Variants in CCDC187 observed in about 807,000 individuals in gnomAD.
CCDC187 encodes coiled-coil domain-containing protein 187.
A neutral mutation model predicts 38.0 loss-of-function variants in CCDC187; 32 were observed. The ratio of observed to expected loss-of-function variants is 0.84; its 90% CI spans 0.64 to 1.13. The LOEUF (loss-of-function observed/expected upper bound fraction) is 1.13, where lower values mean the gene tolerates loss of function less well. Ranked by LOEUF, CCDC187 falls within the 50% of genes most tolerant of loss-of-function variation. The pLI, the probability that CCDC187 is intolerant of heterozygous loss-of-function variation, is 0.00. For missense variants in CCDC187, 707 were observed against 786.8 expected (o/e 0.90, Z 1.21); for synonymous variants, 333 against 347.9 (o/e 0.96, Z 0.48).
At chr9:136,305,505 G>A (rs1424844723), upstream of CCDC187, among the ~76,000 whole-genome samples, 8 of 152,130 alleles carry the variant, frequency 5.3e-5, no homozygotes, top group South Asian at 1.2e-3. Context: ...CCCTGCTGAC[G>A]GGTTGCCACC....
rs1261450280 is a variant in CCDC187, at chr9:136,300,325, CAG to C, written c.626-9_626-8del. The C allele has an allele frequency of 2.4e-3, 971 of 398,614 alleles. 12 individuals carry two copies. Among genetic ancestry groups the C allele is most frequent in the African/African-American group, 0.019 (905 of 48,742 alleles). The allele number at this position is 398,614 out of a possible 1,614,324, so 24.7% of individuals were successfully genotyped here. On this transcript the variant is annotated splice_polypyrimidine_tract_variant and splice_region_variant and intron_variant, in intron 2 of 25. Coordinates refer to ENST00000638797, the MANE Select transcript of CCDC187 (RefSeq NM_001378188.1). ...GCACTCAAGATGCTGAAACCTGGAA[CAG>C]GGTGAAAAGAAGAAGGCAGCGTGAG...
At chr9:136,266,931 A>T (rs1830756207) in intron 16 of CCDC187, 1 of 151,922 alleles carries the variant, frequency 6.6e-6, no homozygotes, top group Non-Finnish European at 1.5e-5. Context: ...AAAAATACAA[A>T]ATTAGCTGGG....
chr9:136,290,462 C>T (rs1453484848), intron 6 of CCDC187, 24 bp downstream of exon 6: 4 of 398,396 alleles, frequency 1.0e-5, no homozygotes, highest in African/African-American at 6.2e-5. Context: ...AGCCGAGTCC[C>T]CCCAACCCAA....
At chr9:136,277,599 C>T (rs1303625795) in intron 10 of CCDC187, among the ~76,000 whole-genome samples, 2 of 152,064 alleles carry the variant, frequency 1.3e-5, no homozygotes, top group Admixed American at 1.3e-4. Context: ...TGGTCCAGAG[C>T]TTGGGTATGA....
chr9:136,269,407 T>C (rs557930992), intron 14 of CCDC187, among the ~76,000 whole-genome samples: 1 of 152,350 alleles, frequency 6.6e-6, no homozygotes, highest in East Asian at 1.9e-4. Flanking sequence ...CCCAGCACTT[T>C]GGGAGGCCAA....
intron 10 of CCDC187, among the ~76,000 whole-genome samples, chr9:136,278,563 A>T (rs1428912538): frequency 6.6e-6 from 1 of 152,190 alleles, no homozygotes; most frequent in Non-Finnish European, 1.5e-5. Context: ...AGCTGTGAGG[A>T]TGCAATGGGA....
chr9:136,278,621 T>C (rs970982768), intron 10 of CCDC187, among the ~76,000 whole-genome samples: 39 of 152,182 alleles, frequency 2.6e-4, no homozygotes, highest in Non-Finnish European at 5.1e-4. Flanking sequence ...CTGCTGGTAG[T>C]GATGATGTTA....
intron 10 of CCDC187, chr9:136,281,192 C>T (rs1421110722): frequency 2.7e-6 from 1 of 377,094 alleles, no homozygotes; most frequent in East Asian, 3.8e-5. Context: ...CGTTGGAAAC[C>T]CCGGATGAAA....
intron 4 of CCDC187, among the ~76,000 whole-genome samples, chr9:136,293,243 T>G (rs1485837492): frequency 1.1e-5 from 1 of 92,974 alleles, no homozygotes; most frequent in East Asian, 3.0e-4. Flanking sequence ...ACGCTCACAC[T>G]CACATGCTTA....
At chr9:136,293,087 C>A (rs1002212629) in intron 4 of CCDC187, among the ~76,000 whole-genome samples, 6 of 152,120 alleles carry the variant, frequency 3.9e-5, no homozygotes, top group South Asian at 4.1e-4. Context: ...CACATGCTCA[C>A]ACACTCACAA....
At chr9:136,274,463 G>A (rs1393528594) in intron 14 of CCDC187, among the ~76,000 whole-genome samples, 195 bp downstream of exon 14, 2 of 152,252 alleles carry the variant, frequency 1.3e-5, no homozygotes, top group Non-Finnish European at 2.9e-5. Flanking sequence ...CTGCCCGAGG[G>A]TCAGTCACGC....
chr9:136,300,093 T>C (rs1355015384), intron 3 of CCDC187, 127 bp downstream of exon 3: 3 of 396,156 alleles, frequency 7.6e-6, no homozygotes, highest in African/African-American at 6.2e-5. Context: ...CCTTGGCCTC[T>C]TTCCAGTTGG....
Position 136,263,424 on chromosome 9 carries a change from CG to C in CCDC187, c.3912+197del, listed in dbSNP as rs1485455434. 2.0e-5 allele frequency among the ~76,000 whole-genome samples: 3 copies of C among 152,040 alleles called. No homozygotes were observed. In the East Asian group the frequency reaches 5.8e-4, roughly 29 times the overall value. On this transcript the variant is annotated intron_variant, in intron 18 of 25. Transcript: ENST00000638797. Reference sequence around the variant, plus strand: ...TAATTTTTTGTATTTTTAGTAGAGACGGGGTTTCACTGTGTTAGCCAGGATG... The same window carrying C: ...TAATTTTTTGTATTTTTAGTAGAGACGGGTTTCACTGTGTTAGCCAGGATG...
At chr9:136,293,453 T>TCACACATGCTCA (rs1246784095) in intron 4 of CCDC187, among the ~76,000 whole-genome samples, 1 of 102,944 alleles carries the variant, frequency 9.7e-6, no homozygotes. Context: ...TCACACATGC[T>TCACACATGCTCA]CACACTCACA....
chr9:136,268,988 G>A (rs1830794790), intron 14 of CCDC187, among the ~76,000 whole-genome samples: 1 of 152,194 alleles, frequency 6.6e-6, no homozygotes, highest in Admixed American at 6.5e-5. Flanking sequence ...AGTTTGTGGG[G>A]GCAGAGTGTC....
chr9:136,306,478 A>C (rs913718313), upstream of CCDC187, among the ~76,000 whole-genome samples: 3 of 152,326 alleles, frequency 2.0e-5, no homozygotes, highest in South Asian at 4.1e-4. Flanking sequence ...GCAGATGCTT[A>C]TCGCTGGAAG....
intron 14 of CCDC187, among the ~76,000 whole-genome samples, chr9:136,273,507 T>A (rs1196327226): frequency 6.6e-6 from 1 of 152,204 alleles, no homozygotes. Flanking sequence ...TGTCAGAGCT[T>A]CAGAATACAC....
rs547200638 is a variant in CCDC187, at chr9:136,255,730, C to T, written c.4620G>A (p.Thr1540=). The T allele has an allele frequency of 2.4e-5, 24 of 985,444 alleles. No homozygotes were observed. Among genetic ancestry groups the T allele is most frequent in the East Asian group, 1.1e-4 (1 of 8,814 alleles). 61.0% of individuals were successfully genotyped at this position (985,444 alleles called of 1,614,324 possible). The change falls in exon 25 of 26, where the codon ACG becomes ACA. Residue 1540 remains threonine (T), a synonymous_variant. Transcript: ENST00000638797. ...TESWRSGEQR[T]EACQQEVPGI... The stretch of plus-strand genomic sequence containing the variant: ...CGGGGACCTCCTGCTGACAGGCCTC[C>T]GTCCTGCAAGCACATTCGTGGAGAA...
chr9:136,263,963 AC>A, intron 17 of CCDC187, 165 bp from the exon 18 acceptor site: 1 of 325,268 alleles, frequency 3.1e-6, no homozygotes, highest in Non-Finnish European at 4.4e-6. Context: ...GGCCTAGGAT[AC>A]CCCCATGGCC....
Sources: allele counts gnomAD v4.1 joint callset (sites outside exome capture counted in the v4.1 genomes callset), GRCh38; gene constraint gnomAD v4.1.1; transcripts MANE v1.5; gene names NCBI Gene and HGNC (gene_info 2026-07-23, HGNC 2026-07-21).